MYRIP: variants seen among roughly 807,000 people sequenced by gnomAD.
MYRIP encodes the protein rab effector MyRIP.
MYRIP carries 49 observed loss-of-function variants against 98.0 expected under a neutral mutation model. The observed-to-expected ratio is 0.50, with a 90% CI of 0.40 to 0.63. MYRIP has a LOEUF of 0.63. Ranked by LOEUF, MYRIP falls within the 30% of genes least tolerant of loss-of-function variation. The probability of loss-of-function intolerance (pLI) is 0.00; values close to 1 mark genes in which losing one functional copy is unlikely to be tolerated. For synonymous variants in MYRIP, 404 were observed against 409.5 expected (o/e 0.99, Z 0.16); for missense variants, 1,004 against 1,058.2 (o/e 0.95, Z 0.71).
chr3:40,194,354 C>T (rs572946883), intron 10 of MYRIP, among the ~76,000 whole-genome samples: 16 of 151,982 alleles, frequency 1.1e-4, no homozygotes, highest in Non-Finnish European at 1.9e-4. Flanking sequence ...TATATTTTAA[C>T]CTTTTATTTC....
chr3:39,969,570 T>C (rs1369997219), intron 2 of MYRIP, among the ~76,000 whole-genome samples: 4 of 152,178 alleles, frequency 2.6e-5, no homozygotes, highest in African/African-American at 9.7e-5. Flanking sequence ...TCTGGGTCTA[T>C]TGAGATAATC....
intron 10 of MYRIP, among the ~76,000 whole-genome samples, chr3:40,192,094 C>A (rs1299694776): frequency 6.7e-6 from 1 of 148,228 alleles, no homozygotes; most frequent in East Asian, 1.9e-4. Context: ...GACATCAAAA[C>A]CCTGATGGGT....
intron 2 of MYRIP, among the ~76,000 whole-genome samples, chr3:39,998,025 G>A (rs1946413089): frequency 6.6e-6 from 1 of 152,074 alleles, no homozygotes; most frequent in Non-Finnish European, 1.5e-5. Flanking sequence ...GTATTGATGG[G>A]ACGTATCTCA....
intron 3 of MYRIP, among the ~76,000 whole-genome samples, chr3:40,102,165 G>A (rs143475164): frequency 4.6e-5 from 7 of 152,338 alleles, no homozygotes; most frequent in Non-Finnish European, 1.0e-4. Context: ...TGATGTGCCT[G>A]GAGCCCTGGT....
chr3:40,167,149 C>T lies in MYRIP; in HGVS notation c.649-10C>T, dbSNP rs1314866083. On this transcript the variant is annotated splice_polypyrimidine_tract_variant and intron_variant, in intron 6 of 16. Coordinates refer to ENST00000302541, the MANE Select transcript of MYRIP (RefSeq NM_015460.4). Reference sequence around the variant, plus strand: ...ACCCACAGCACACAGCCATTCTCTTCCCTCCTCAGGACAAGCAAAATGAGG... The same window carrying T: ...ACCCACAGCACACAGCCATTCTCTTTCCTCCTCAGGACAAGCAAAATGAGG... The T allele has an allele frequency of 1.2e-6, 2 of 1,613,816 alleles. No individual in the cohort carries two copies. The highest frequency in any genetic ancestry group is 2.2e-5 in the East Asian group (1 of 44,892).
intron 2 of MYRIP, among the ~76,000 whole-genome samples, chr3:40,034,464 A>G (rs947802856): frequency 2.6e-5 from 4 of 152,126 alleles, no homozygotes; most frequent in Admixed American, 6.5e-5. Flanking sequence ...CAAAAGACAC[A>G]TGAAAAAATG....
chr3:40,041,245 A>G (rs1281437675), intron 2 of MYRIP, among the ~76,000 whole-genome samples: 1 of 118,706 alleles, frequency 8.4e-6, no homozygotes, highest in Non-Finnish European at 1.8e-5. Flanking sequence ...ATCAACTGAT[A>G]CTATATAACT....
chr3:40,185,596 C>T (rs1951011903), intron 9 of MYRIP, among the ~76,000 whole-genome samples: 2 of 152,104 alleles, frequency 1.3e-5, no homozygotes, highest in Admixed American at 1.3e-4. Context: ...AGGGAGCCAT[C>T]TGTGTTTTTG....
intron 2 of MYRIP, among the ~76,000 whole-genome samples, chr3:39,909,154 G>A (rs1470500577): frequency 6.6e-6 from 1 of 152,174 alleles, no homozygotes; most frequent in Admixed American, 6.5e-5. Context: ...AGGCCTAGGA[G>A]GAGACAGAAC....
chr3:39,998,944 T>C (rs547634771), intron 2 of MYRIP, among the ~76,000 whole-genome samples: 19 of 152,308 alleles, frequency 1.2e-4, no homozygotes, highest in Admixed American at 8.5e-4. Flanking sequence ...CCCTCTTTAA[T>C]AAATGGGGCT....
intron 1 of MYRIP, among the ~76,000 whole-genome samples, chr3:39,866,379 A>G (rs1342416156): frequency 2.6e-5 from 4 of 152,226 alleles, no homozygotes; most frequent in African/African-American, 9.6e-5. Context: ...TGCAGGATAC[A>G]AAGTTGACAT....
rs540700401 is a variant in MYRIP at position 39,870,988 on chromosome 3, C to A, written c.-30-29799C>A. ...AGAAAAGATGAAGTGTATATACTAG[C>A]TGAGGATATTATTCTGTCCAGTCCA... On this transcript the variant is annotated intron_variant, in intron 1 of 16. Coordinates refer to ENST00000302541, the MANE Select transcript of MYRIP (RefSeq NM_015460.4). Among the ~76,000 whole-genome samples, 3 of 152,276 alleles carry A rather than the reference C, an allele frequency of 2.0e-5. No individual in the cohort carries two copies. The South Asian group carries it at 6.2e-4, about 32-fold the overall frequency.
chr3:39,871,072 A>G (rs1575324885), intron 1 of MYRIP, among the ~76,000 whole-genome samples: 1 of 152,186 alleles, frequency 6.6e-6, no homozygotes, highest in Non-Finnish European at 1.5e-5. Flanking sequence ...TCAATGACAC[A>G]CGCCTCTGGG....
At chr3:39,984,617 A>C (rs1482553387) in intron 2 of MYRIP, among the ~76,000 whole-genome samples, 1 of 152,092 alleles carries the variant, frequency 6.6e-6, no homozygotes, top group African/African-American at 2.4e-5. Context: ...TTCTTAATCC[A>C]GTCTATCATT....
intron 4 of MYRIP, among the ~76,000 whole-genome samples, chr3:40,158,567 C>T (rs771296759): frequency 1.2e-4 from 19 of 152,036 alleles, no homozygotes; most frequent in Non-Finnish European, 2.2e-4. Flanking sequence ...CTTCCTGTCT[C>T]GTTGATCTGT....
At chr3:40,093,740 G>A (rs1014189119) in intron 3 of MYRIP, among the ~76,000 whole-genome samples, 3 of 152,200 alleles carry the variant, frequency 2.0e-5, no homozygotes. Context: ...TTCTCTCCCA[G>A]TGTCTGTTCT....
chr3:39,863,751 C>T (rs1300428518), intron 1 of MYRIP, among the ~76,000 whole-genome samples: 2 of 151,780 alleles, frequency 1.3e-5, no homozygotes, highest in Non-Finnish European at 2.9e-5. Context: ...ACAACTGGTA[C>T]TATTCCAAAA....
chr3:40,087,517 T>G (rs1251575307), intron 3 of MYRIP, among the ~76,000 whole-genome samples: 4 of 152,084 alleles, frequency 2.6e-5, no homozygotes, highest in African/African-American at 4.8e-5. Flanking sequence ...CAGAGGGCAT[T>G]TATCTAGTGT....
intron 3 of MYRIP, among the ~76,000 whole-genome samples, chr3:40,127,455 T>C (rs1259962916): frequency 6.6e-6 from 1 of 152,262 alleles, no homozygotes; most frequent in African/African-American, 2.4e-5. Flanking sequence ...CCAGATGTAG[T>C]TCCTTTCTTC....
Sources: allele counts gnomAD v4.1 joint callset (sites outside exome capture counted in the v4.1 genomes callset), GRCh38; gene constraint gnomAD v4.1.1; transcripts MANE v1.5; gene names NCBI Gene and HGNC (gene_info 2026-07-23, HGNC 2026-07-21).